Variants in SLC23A2 observed in about 807,000 individuals in gnomAD.
SLC23A2 encodes solute carrier family 23 member 2.
SLC23A2 carries 36 observed loss-of-function variants against 73.3 expected under a neutral mutation model. The observed-to-expected ratio is 0.49, with a 90% confidence interval of 0.38 to 0.65. The LOEUF (loss-of-function observed/expected upper bound fraction) is 0.65. Ranked by LOEUF, SLC23A2 falls within the 30% of genes least tolerant of loss-of-function variation. SLC23A2 has a pLI of 0.00. For synonymous variants in SLC23A2, 343 were observed against 327.3 expected, an observed-to-expected ratio of 1.05 and a Z score of -0.52; for missense variants, 507 against 841.6, an observed-to-expected ratio of 0.60 and a Z score of 4.92.
At position 4,856,971 on chromosome 20, in the gene SLC23A2, G is replaced by A; in HGVS notation, c.*1C>T. 6.2e-7 allele frequency: 1 copy of A among 1,605,610 alleles called. No individual in the cohort carries two copies. Among genetic ancestry groups the A allele is most frequent in the Non-Finnish European group, 8.5e-7 (1 of 1,172,750 alleles). ...GGCCAGGCCACAGGGCACAGCAAAG[G>A]CTATCCCGTGGCCTGGGAGTCTTCA... On this transcript the variant is annotated 3_prime_UTR_variant, in exon 17 of 17. Coordinates refer to ENST00000338244, the MANE Select transcript of SLC23A2 (RefSeq NM_005116.6). This position sits in a 1 kb window ranked among gnomAD's most constrained non-coding sequence, Gnocchi z 4.6.
At chr20:4,935,660 G>A (rs541515604) in intron 2 of SLC23A2, among the ~76,000 whole-genome samples, 6 of 152,164 alleles carry the variant, frequency 3.9e-5, no homozygotes, top group South Asian at 4.2e-4. Flanking sequence ...TTAGCCGGGC[G>A]TGGTGGCGGG....
chr20:4,912,852 TG>T, intron 4 of SLC23A2, 27 bp downstream of exon 4: 2 of 1,432,382 alleles, frequency 1.4e-6, no homozygotes, highest in Non-Finnish European at 2.0e-6. Flanking sequence ...GCGGTGGGAG[TG>T]GGGACACGGG....
At chr20:4,997,839 T>C (rs2088050068) in intron 1 of SLC23A2, among the ~76,000 whole-genome samples, 1 of 151,992 alleles carries the variant, frequency 6.6e-6, no homozygotes, top group Non-Finnish European at 1.5e-5. Flanking sequence ...TCTTATTATG[T>C]TGCCTAGACT....
At chr20:4,931,233 T>C (rs1932787220) in intron 3 of SLC23A2, among the ~76,000 whole-genome samples, 1 of 151,986 alleles carries the variant, frequency 6.6e-6, no homozygotes, top group Non-Finnish European at 1.5e-5. Context: ...TGATCCCAGC[T>C]ACTTGGGAGG....
intron 1 of SLC23A2, among the ~76,000 whole-genome samples, chr20:4,978,911 AAG>A (rs1443707520): frequency 3.9e-5 from 6 of 152,186 alleles, no homozygotes; most frequent in African/African-American, 1.4e-4. Flanking sequence ...TAAAATCAGA[AAG>A]AGTTATTTAA....
rs760070455 is a variant in SLC23A2, at chr20:4,873,975, C to A, written c.1063G>T (p.Val355Leu). 6.2e-7 allele frequency: 1 copy of A among 1,613,994 alleles called. No individual in the cohort carries two copies. The highest frequency in any genetic ancestry group is 2.2e-5 in the East Asian group (1 of 44,888). ...FYARTDARQG[V>L]LLVAPWFKVP... ...TTAAACCACGGGGCTACCAGAAGCA[C>A]GCCTTGCCTGGCATCTGTGCGAGCA... The change falls in exon 11 of 17, where the codon GTG becomes TTG. Residue 355 changes from valine (V) to leucine (L), a missense_variant. Around this residue, in one of 5 missense-constraint regions of SLC23A2, gnomAD observed 217 missense variants for 398.0 expected, o/e 0.55. Coordinates refer to ENST00000338244, the MANE Select transcript of SLC23A2 (RefSeq NM_005116.6).
chr20:4,999,673 G>A (rs369196878), intron 1 of SLC23A2, among the ~76,000 whole-genome samples: 1 of 151,828 alleles, frequency 6.6e-6, no homozygotes, highest in African/African-American at 2.4e-5. Context: ...GATTACAGGT[G>A]TGAACCACAA....
At chr20:4,912,366 T>C (rs1466991778) in intron 4 of SLC23A2, among the ~76,000 whole-genome samples, 1 of 152,138 alleles carries the variant, frequency 6.6e-6, no homozygotes, top group Non-Finnish European at 1.5e-5. Flanking sequence ...CACTTGCTGA[T>C]TTCCCTTATT....
chr20:4,893,010 A>G (rs1931387090), intron 6 of SLC23A2, among the ~76,000 whole-genome samples: 1 of 151,992 alleles, frequency 6.6e-6, no homozygotes, highest in South Asian at 2.1e-4. Context: ...GATACACAAG[A>G]GACACCGTCA....
At chr20:4,867,673 A>G (rs1195371415) in intron 13 of SLC23A2, 97 bp downstream of exon 13, 1 of 544,690 alleles carries the variant, frequency 1.8e-6, no homozygotes, top group Non-Finnish European at 3.2e-6. Context: ...TTTTAGAACC[A>G]GAGGCCCGCC....
chr20:4,940,174 C>G (rs998675869), intron 2 of SLC23A2, among the ~76,000 whole-genome samples: 1 of 151,996 alleles, frequency 6.6e-6, no homozygotes, highest in African/African-American at 2.4e-5. Flanking sequence ...AAAAAATTAG[C>G]TGGGTGTGGT....
At chr20:4,972,281 C>T (rs544241858) in intron 1 of SLC23A2, among the ~76,000 whole-genome samples, 2 of 152,014 alleles carry the variant, frequency 1.3e-5, no homozygotes, top group East Asian at 1.9e-4. Context: ...CGCCAACGGC[C>T]CCAAGTTAAA....
rs191035786 is a variant in SLC23A2, at chr20:4,957,774, G to A, written c.-155+13019C>T. On this transcript the variant is annotated intron_variant, in intron 2 of 16. Transcript: ENST00000338244. The stretch of plus-strand genomic sequence containing the variant: ...AAATTAGCCAGACATGGTGGTGGGC[G>A]CCTGTAATCCCAGCTACTCGGGAGG... Among the ~76,000 whole-genome samples, 654 of 151,408 alleles carry A rather than the reference G, an allele frequency of 4.3e-3. 5 individuals are homozygous for A. The highest frequency in any genetic ancestry group is 0.013 in the African/African-American group (546 of 41,230).
rs148180453 is a variant in SLC23A2, at chr20:4,954,571, G to A, written c.-155+16222C>T. Among the ~76,000 whole-genome samples, 36 of 151,848 alleles carry A rather than the reference G, an allele frequency of 2.4e-4. 1 individual carries two copies. The East Asian group carries it at 5.8e-3, about 25-fold the overall frequency. On this transcript the variant is annotated intron_variant, in intron 2 of 16. Coordinates refer to ENST00000338244, the MANE Select transcript of SLC23A2 (RefSeq NM_005116.6). ...CAATTAGCCACGCGTGGTGGCGGGC[G>A]CCTGTAGTCCCAGCTACTCGGTAAG...
chr20:4,854,883 T>C lies in SLC23A2; in HGVS notation c.*2089A>G, dbSNP rs1929658776. The C allele has an allele frequency of 6.6e-6, 1 of 152,214 alleles. No individual in the cohort carries two copies. The highest frequency in any genetic ancestry group is 6.5e-5 in the Admixed American group (1 of 15,270). 9.4% of individuals were successfully genotyped at this position (152,214 alleles called of 1,614,324 possible). ...ACCTGGAGAGCTAGAAGATTGCAAA[T>C]CTCTGGGATGTTTAGCAGTTTTCCC... On this transcript the variant is annotated 3_prime_UTR_variant, in exon 17 of 17. Coordinates refer to ENST00000338244, the MANE Select transcript of SLC23A2 (RefSeq NM_005116.6).
At chr20:4,914,595 T>C (rs1932262989) in intron 3 of SLC23A2, among the ~76,000 whole-genome samples, 1 of 152,154 alleles carries the variant, frequency 6.6e-6, no homozygotes, top group Non-Finnish European at 1.5e-5. Context: ...AAGCTTATCC[T>C]CTAGAAATAT....
Position 4,883,912 on chromosome 20 carries a change from G to A in SLC23A2, c.643-89C>T. On this transcript the variant is annotated intron_variant, in intron 8 of 16. Transcript: ENST00000338244. The surrounding 1 kb of genome is among the most constrained non-coding windows in gnomAD (Gnocchi z 4.5). Reference sequence around the variant, plus strand: ...ACCTACAACCACAACTGATAATTCTGCAAGGCAATAAGTTATTACATCATC... The same window carrying A: ...ACCTACAACCACAACTGATAATTCTACAAGGCAATAAGTTATTACATCATC... 1.0e-6 allele frequency: 1 copy of A among 953,198 alleles called. No individual in the cohort carries two copies. Among genetic ancestry groups the A allele is most frequent in the African/African-American group, 1.7e-5 (1 of 59,454 alleles). The allele number at this position is 953,198 out of a possible 1,614,324, so 59.0% of individuals were successfully genotyped here. A position where few individuals can be genotyped will look rare whatever the true frequency, so the allele number is the denominator to read the frequency against.
At chr20:4,900,745 C>T (rs998033080) in intron 5 of SLC23A2, among the ~76,000 whole-genome samples, 1 of 152,170 alleles carries the variant, frequency 6.6e-6, no homozygotes, top group African/African-American at 2.4e-5. Flanking sequence ...GGGAGTCCCC[C>T]CAACCCCCCG....
At chr20:4,918,946 C>A (rs1932414446) in intron 3 of SLC23A2, among the ~76,000 whole-genome samples, 1 of 152,162 alleles carries the variant, frequency 6.6e-6, no homozygotes, top group African/African-American at 2.4e-5. Context: ...CCGTTATTTC[C>A]TCTTGTATCC....
Sources: gnomAD v4.1 joint callset for allele counts (sites outside exome capture counted in the v4.1 genomes callset) on GRCh38, gnomAD v4.1.1 for gene constraint, gnomAD v4.1.1 regional missense constraint, Gnocchi (gnomAD v3.1) non-coding constraint, MANE v1.5 for transcripts, NCBI Gene and HGNC (gene_info 2026-07-23, HGNC 2026-07-21) for gene names.